The following SAMD13 variants were observed in gnomAD, a reference collection of about 807,000 sequenced individuals.
SAMD13 encodes sterile alpha motif domain containing 13.
In SAMD13, 9 loss-of-function variants were observed where a neutral mutation model predicts 12.4. That is an observed-to-expected ratio of 0.72 (90% CI 0.44 to 1.26). SAMD13 has a LOEUF of 1.26. Among genes scored for constraint, SAMD13 ranks in the 50% most tolerant of loss-of-function variants. The pLI is 0.00. For synonymous variants in SAMD13, 46 were observed against 45.4 expected, an observed-to-expected ratio of 1.01 and a Z score of -0.05; for missense variants, 84 against 119.6, an observed-to-expected ratio of 0.70 and a Z score of 1.39.
At chr1:84,311,332 T>TA (rs757714939) in intron 2 of SAMD13, among the ~76,000 whole-genome samples, 5,829 of 111,994 alleles carry the variant, frequency 0.052, 181 homozygotes, top group African/African-American at 0.086. Flanking sequence ...TGAGACTGTC[T>TA]AAAAAAAAAA....
rs553761794 is a variant in SAMD13 at position 84,331,354 on chromosome 1, A to AAAAAAAAAAAAAAAAATAC, written c.165+5610_165+5611insAAAAAAAAAAAATACAAAA. Among the ~76,000 whole-genome samples the AAAAAAAAAAAAAAAAATAC allele has an allele frequency of 2.9e-4, 24 of 82,458 alleles. 6 individuals are homozygous for AAAAAAAAAAAAAAAAATAC. The highest frequency in any genetic ancestry group is 4.3e-4 in the South Asian group (1 of 2,336). The allele number at this position is 82,458 out of a possible 152,430, so 54.1% of individuals were successfully genotyped here. A position where few individuals can be genotyped will look rare whatever the true frequency, so the allele number is the denominator to read the frequency against. ...AAAAAAAAAAAAAAAAAAAAAAAAA[A>AAAAAAAAAAAAAAAAATAC]AAAATTATGGATACAAACTTGTTAA... On this transcript the variant is annotated intron_variant, in intron 3 of 3. Coordinates refer to ENST00000394834, the MANE Select transcript of SAMD13 (RefSeq NM_001134663.2).
intron 3 of SAMD13, among the ~76,000 whole-genome samples, chr1:84,332,428 C>A (rs924763235): frequency 1.3e-5 from 2 of 152,140 alleles, no homozygotes; most frequent in Non-Finnish European, 2.9e-5. Context: ...AAAAGCCATT[C>A]TAACTAGTGC....
At chr1:84,329,640 C>T (rs1679132360) in intron 3 of SAMD13, among the ~76,000 whole-genome samples, 1 of 152,212 alleles carries the variant, frequency 6.6e-6, no homozygotes, top group East Asian at 1.9e-4. Flanking sequence ...AGGCACCCCA[C>T]TGCCACAGAA....
At chr1:84,317,342 T>C (rs1333401408) in intron 2 of SAMD13, among the ~76,000 whole-genome samples, 1 of 152,142 alleles carries the variant, frequency 6.6e-6, no homozygotes, top group Non-Finnish European at 1.5e-5. Context: ...GCTATGGTCT[T>C]TTCATAGATA....
At chr1:84,349,256 T>C (rs1379164483) in intron 3 of SAMD13, among the ~76,000 whole-genome samples, 1 of 152,208 alleles carries the variant, frequency 6.6e-6, no homozygotes, top group Non-Finnish European at 1.5e-5. Flanking sequence ...TTTTAGAAAT[T>C]AAGTTCATGG....
intron 3 of SAMD13, among the ~76,000 whole-genome samples, chr1:84,334,190 C>T (rs1324637700): frequency 5.9e-5 from 9 of 151,812 alleles, no homozygotes; most frequent in Non-Finnish European, 8.8e-5. Context: ...TCCTGGGCTG[C>T]TTCTGGTTGG....
At chr1:84,332,549 T>C (rs1679214327) in intron 3 of SAMD13, among the ~76,000 whole-genome samples, 2 of 152,230 alleles carry the variant, frequency 1.3e-5, no homozygotes, top group South Asian at 4.1e-4. Context: ...ACGTGTCTGT[T>C]CATGTCCTTT....
At chr1:84,311,808 A>C (rs1678719096) in intron 2 of SAMD13, among the ~76,000 whole-genome samples, 1 of 152,238 alleles carries the variant, frequency 6.6e-6, no homozygotes, top group African/African-American at 2.4e-5. Flanking sequence ...GACAGAGATA[A>C]AAGATTTGAA....
chr1:84,326,141 G>A (rs1294787305), intron 3 of SAMD13, among the ~76,000 whole-genome samples: 1 of 152,088 alleles, frequency 6.6e-6, no homozygotes, highest in Non-Finnish European at 1.5e-5. Context: ...CCTACTACTG[G>A]CCTCAGCACC....
chr1:84,335,205 A>G (rs1679266984), intron 3 of SAMD13, among the ~76,000 whole-genome samples: 2 of 152,076 alleles, frequency 1.3e-5, no homozygotes, highest in Non-Finnish European at 2.9e-5. Flanking sequence ...CTAAGAACTC[A>G]TCTTATGAAT....
chr1:84,350,154 A>G lies in SAMD13; in HGVS notation c.*380A>G, dbSNP rs1679620028. The G allele has an allele frequency of 6.4e-6, 1 of 157,236 alleles. No homozygotes were observed. Among genetic ancestry groups the G allele is most frequent in the Admixed American group, 6.5e-5 (1 of 15,424 alleles). 9.7% of individuals were successfully genotyped at this position (157,236 alleles called of 1,614,324 possible). A position where few individuals can be genotyped will look rare whatever the true frequency, so the allele number is the denominator to read the frequency against. ...TTTTGGTTACAGACTTAGGATGAGT[A>G]AAAACAAGAAAATTTGGGGAGGGGG... On this transcript the variant is annotated 3_prime_UTR_variant, in exon 4 of 4. Coordinates refer to ENST00000394834, the MANE Select transcript of SAMD13 (RefSeq NM_001134663.2).
upstream of SAMD13, chr1:84,299,719 C>T: frequency 1.3e-6 from 1 of 759,998 alleles, no homozygotes; most frequent in Non-Finnish European, 1.7e-6. Flanking sequence ...CAGTTTACTA[C>T]CAAAGTTAGA....
At chr1:84,315,941 T>C (rs982009187) in intron 2 of SAMD13, among the ~76,000 whole-genome samples, 4 of 152,194 alleles carry the variant, frequency 2.6e-5, no homozygotes, top group African/African-American at 7.2e-5. Flanking sequence ...ATTGTGGCAT[T>C]GATTTGCATT....
At chr1:84,347,143 G>A (rs956435445) in intron 3 of SAMD13, among the ~76,000 whole-genome samples, 1 of 152,204 alleles carries the variant, frequency 6.6e-6, no homozygotes, top group African/African-American at 2.4e-5. Flanking sequence ...TGGGGAGACA[G>A]GATTCAGATT....
In SAMD13 at chr1:84,349,899, G is replaced by A. The variant is rs6689598; in HGVS notation, c.*125G>A. On this transcript the variant is annotated 3_prime_UTR_variant, in exon 4 of 4. Coordinates refer to ENST00000394834, the MANE Select transcript of SAMD13 (RefSeq NM_001134663.2). ...GTAAAGAATTTCAATCAAATGAAACGTTATCCTATTGGATAGACTAGGCAA... is the reference window on the plus strand; with the variant it reads ...GTAAAGAATTTCAATCAAATGAAACATTATCCTATTGGATAGACTAGGCAA... 2.0e-3 allele frequency: 2,934 copies of A among 1,431,488 alleles called. 40 individuals carry two copies. In the African/African-American group the frequency reaches 0.037, roughly 18 times the overall value. The allele number at this position is 1,431,488 out of a possible 1,614,324, so 88.7% of individuals were successfully genotyped here.
At position 84,325,859 on chromosome 1, in the gene SAMD13, G is replaced by C. The variant is rs1679049109; in HGVS notation, c.165+111G>C. The C allele has an allele frequency of 5.9e-6, 4 of 676,170 alleles. No individual in the cohort carries two copies. The South Asian group carries it at 7.0e-5, about 12-fold the overall frequency. 41.9% of individuals were successfully genotyped at this position (676,170 alleles called of 1,614,324 possible). A position where few individuals can be genotyped will look rare whatever the true frequency, so the allele number is the denominator to read the frequency against. ...GAGGAAGAGGACCAAAGAGCAGGGAGGAATCAGTGAGGCTCTGAGAAACTG... is the reference window on the plus strand; with the variant it reads ...GAGGAAGAGGACCAAAGAGCAGGGACGAATCAGTGAGGCTCTGAGAAACTG... On this transcript the variant is annotated intron_variant, in intron 3 of 3. Transcript: ENST00000394834.
At chr1:84,343,040 G>A (rs1679462928) in intron 3 of SAMD13, among the ~76,000 whole-genome samples, 1 of 151,894 alleles carries the variant, frequency 6.6e-6, no homozygotes, top group Non-Finnish European at 1.5e-5. Flanking sequence ...TTAAAAACTG[G>A]GCAAAGGACA....
chr1:84,320,267 A>T (rs1678912722), intron 2 of SAMD13, among the ~76,000 whole-genome samples: 1 of 152,206 alleles, frequency 6.6e-6, no homozygotes, highest in African/African-American at 2.4e-5. Context: ...AAAGTCTAGG[A>T]TGTTGCCCAG....
intron 3 of SAMD13, among the ~76,000 whole-genome samples, chr1:84,333,587 T>G (rs1241906388): frequency 1.3e-5 from 2 of 152,264 alleles, no homozygotes; most frequent in East Asian, 3.9e-4. Flanking sequence ...GAAACTTTGT[T>G]GAAGTTGTTT....
Sources: allele counts gnomAD v4.1 joint callset (sites outside exome capture counted in the v4.1 genomes callset), GRCh38; gene constraint gnomAD v4.1.1; transcripts MANE v1.5; gene names NCBI Gene and HGNC (gene_info 2026-07-23, HGNC 2026-07-21).